ATL1: variants seen among roughly 807,000 people sequenced by gnomAD.
The protein encoded by ATL1 is atlastin-1.
A neutral mutation model predicts 75.5 loss-of-function variants in ATL1; 31 were observed. The observed-to-expected ratio is 0.41, with a 90% confidence interval of 0.31 to 0.55. ATL1 has a LOEUF of 0.55. Among genes scored for constraint, ATL1 ranks in the 20% least tolerant of loss-of-function variants. The pLI is 0.27. For synonymous variants in ATL1, 226 were observed against 233.3 expected (o/e 0.97, Z 0.28); for missense variants, 405 against 662.6 (o/e 0.61, Z 4.27).
intron 10 of ATL1, 35 bp downstream of exon 10, chr14:50,621,934 G>T: frequency 7.2e-7 from 1 of 1,392,668 alleles, no homozygotes; most frequent in Non-Finnish European, 1.0e-6. Context: ...TTTAAGACAC[G>T]TGACTAAGGC....
intron 1 of ATL1, among the ~76,000 whole-genome samples, chr14:50,583,235 T>TAAGAAA (rs1431791491): frequency 1.3e-5 from 2 of 152,156 alleles, no homozygotes; most frequent in African/African-American, 4.8e-5. Flanking sequence ...TCTAATAAGT[T>TAAGAAA]AAGAAAAAGA....
chr14:50,539,336 T>C (rs1019330961), intron 1 of ATL1, among the ~76,000 whole-genome samples: 1 of 152,250 alleles, frequency 6.6e-6, no homozygotes, highest in Non-Finnish European at 1.5e-5. Flanking sequence ...TTGGCTCTTC[T>C]GACTGCTTCT....
intron 1 of ATL1, among the ~76,000 whole-genome samples, chr14:50,546,804 CT>C (rs1304735606): frequency 6.7e-6 from 1 of 149,154 alleles, no homozygotes; most frequent in East Asian, 2.0e-4. Context: ...ACAAAATCTT[CT>C]GAATTATCAG....
At chr14:50,569,348 A>C (rs2038934020) in intron 1 of ATL1, among the ~76,000 whole-genome samples, 1 of 151,978 alleles carries the variant, frequency 6.6e-6, no homozygotes, top group South Asian at 2.1e-4. Flanking sequence ...CAACAGAGAA[A>C]GACTCTGTCT....
chr14:50,572,816 G>A (rs999920432), intron 1 of ATL1, among the ~76,000 whole-genome samples: 2 of 152,070 alleles, frequency 1.3e-5, no homozygotes, highest in African/African-American at 4.8e-5. Flanking sequence ...ATTTTACTGT[G>A]TCATATTAGT....
intron 10 of ATL1, 35 bp downstream of exon 10, chr14:50,621,934 G>C (rs745982210): frequency 7.2e-7 from 1 of 1,392,668 alleles, no homozygotes; most frequent in South Asian, 1.2e-5. Context: ...TTTAAGACAC[G>C]TGACTAAGGC....
At chr14:50,601,983 T>C (rs1377209517) in intron 6 of ATL1, among the ~76,000 whole-genome samples, 1 of 152,196 alleles carries the variant, frequency 6.6e-6, no homozygotes, top group African/African-American at 2.4e-5. Flanking sequence ...GTTATGAGTT[T>C]TTCTTTCTTG....
intron 6 of ATL1, among the ~76,000 whole-genome samples, chr14:50,600,441 G>A (rs1351739540): frequency 2.6e-5 from 4 of 152,042 alleles, no homozygotes; most frequent in Non-Finnish European, 5.9e-5. Context: ...GAAATGCGAA[G>A]CTCATTAAGT....
intron 1 of ATL1, among the ~76,000 whole-genome samples, chr14:50,564,716 A>C (rs1296481556): frequency 1.3e-5 from 2 of 151,638 alleles, no homozygotes; most frequent in Non-Finnish European, 2.9e-5. Flanking sequence ...ATTCGCAGCA[A>C]AGTATCAGCT....
chr14:50,562,668 T>C (rs1411048536), intron 1 of ATL1, among the ~76,000 whole-genome samples: 3 of 151,814 alleles, frequency 2.0e-5, no homozygotes, highest in Non-Finnish European at 4.4e-5. Context: ...GGAAAAGAAA[T>C]ACTAGAATCA....
chr14:50,570,994 A>T (rs977467999), intron 1 of ATL1, among the ~76,000 whole-genome samples: 8 of 152,102 alleles, frequency 5.3e-5, no homozygotes, highest in African/African-American at 1.9e-4. Flanking sequence ...TCCTCTGTGT[A>T]TGCAGTTGCT....
At chr14:50,569,267 G>A (rs1160541917) in intron 1 of ATL1, among the ~76,000 whole-genome samples, 2 of 152,026 alleles carry the variant, frequency 1.3e-5, no homozygotes, top group Non-Finnish European at 2.9e-5. Flanking sequence ...GGCTGAAGTA[G>A]TAGAATCACT....
intron 6 of ATL1, among the ~76,000 whole-genome samples, chr14:50,612,748 A>G (rs2039377616): frequency 6.6e-6 from 1 of 152,152 alleles, no homozygotes; most frequent in South Asian, 2.1e-4. Context: ...TAAATCCAGG[A>G]GATGGGATGT....
intron 6 of ATL1, among the ~76,000 whole-genome samples, chr14:50,597,086 TG>T (rs2039225049): frequency 6.6e-6 from 1 of 151,752 alleles, no homozygotes; most frequent in Non-Finnish European, 1.5e-5. Flanking sequence ...GGCGGGCACC[TG>T]TAATTCCAGC....
chr14:50,602,902 T>A (rs769327608), intron 6 of ATL1, among the ~76,000 whole-genome samples: 6 of 152,142 alleles, frequency 3.9e-5, no homozygotes, highest in Admixed American at 6.5e-5. Context: ...TCTGCTGAAT[T>A]GGAATCCCTG....
At chr14:50,623,150 ACAT>A (rs764852363) in intron 10 of ATL1, 24 bp from the exon 11 acceptor site, 25 of 1,605,042 alleles carry the variant, frequency 1.6e-5, no homozygotes, top group Non-Finnish European at 2.0e-5. Flanking sequence ...ACTGCATTTT[ACAT>A]CATATTTTGT....
chr14:50,616,978 C>T (rs944810245), intron 8 of ATL1, among the ~76,000 whole-genome samples: 6 of 152,220 alleles, frequency 3.9e-5, no homozygotes, highest in African/African-American at 1.4e-4. Flanking sequence ...GGGCTGGCAT[C>T]TCACTGGTTG....
At chr14:50,574,544 C>T (rs1007285388) in intron 1 of ATL1, among the ~76,000 whole-genome samples, 1 of 152,066 alleles carries the variant, frequency 6.6e-6, no homozygotes, top group Non-Finnish European at 1.5e-5. Flanking sequence ...GATTAAAGGA[C>T]CAGGTAATTC....
chr14:50,574,933 GTGTGTATATATATA>G (rs1295292594), intron 1 of ATL1, among the ~76,000 whole-genome samples: 24 of 45,980 alleles, frequency 5.2e-4, no homozygotes, highest in African/African-American at 1.5e-3. Flanking sequence ...GTGTGTGTGT[GTGTGTATATATATA>G]TATATATATA....
Sources: allele counts gnomAD v4.1 joint callset (sites outside exome capture counted in the v4.1 genomes callset), GRCh38; gene constraint gnomAD v4.1.1; transcripts MANE v1.5; gene names NCBI Gene and HGNC (gene_info 2026-07-23, HGNC 2026-07-21).